CCP110: variants seen among roughly 807,000 people sequenced by gnomAD.
CCP110 encodes the protein centriolar coiled-coil protein 110.
Under a neutral mutation model 105.5 loss-of-function variants are expected in CCP110, and 43 were observed. The observed-to-expected ratio is 0.41, with a 90% CI of 0.32 to 0.53. The LOEUF (loss-of-function observed/expected upper bound fraction) is 0.53. Ranked by LOEUF, CCP110 falls within the 20% of genes least tolerant of loss-of-function variation. The probability of loss-of-function intolerance (pLI) is 0.32; values close to 1 mark genes in which losing one functional copy is unlikely to be tolerated. For synonymous variants in CCP110, 353 were observed against 392.1 expected (o/e 0.90, Z 1.18); for missense variants, 1,016 against 1,189.1 (o/e 0.85, Z 2.14).
intron 2 of CCP110, among the ~76,000 whole-genome samples, chr16:19,528,607 A>G (rs1001090514): frequency 2.0e-5 from 3 of 152,082 alleles, no homozygotes; most frequent in Non-Finnish European, 2.9e-5. Flanking sequence ...AGAGGTCCAG[A>G]CTCTGGGCCA....
intron 3 of CCP110, among the ~76,000 whole-genome samples, chr16:19,532,961 A>T (rs1471583145): frequency 6.6e-6 from 1 of 152,206 alleles, no homozygotes. Context: ...GAAAACTCTT[A>T]GATACACAAA....
exon 8 of CCP110, chr16:19,542,916 A>C (rs1203185584): frequency 6.2e-7 from 1 of 1,613,300 alleles, no homozygotes; most frequent in Non-Finnish European, 8.5e-7. Flanking sequence ...TTAACAAAAT[A>C]ACTGCAGTGG....
chr16:19,551,367 C>A, exon 15 of CCP110: 1 of 841,042 alleles, frequency 1.2e-6, no homozygotes, highest in Non-Finnish European at 2.1e-6. Flanking sequence ...CATCAGAAGG[C>A]TGAGCACTTA....
chr16:19,536,212 T>G, exon 4 of CCP110: 1 of 1,614,096 alleles, frequency 6.2e-7, no homozygotes, highest in Non-Finnish European at 8.5e-7. Flanking sequence ...ATATTAGTCA[T>G]GTAGAAAATG....
intron 8 of CCP110, among the ~76,000 whole-genome samples, chr16:19,543,829 A>G (rs1970370472): frequency 6.6e-6 from 1 of 152,096 alleles, no homozygotes; most frequent in Non-Finnish European, 1.5e-5. Context: ...CACCCTGGTA[A>G]ATTTGTGGTC....
intron 3 of CCP110, among the ~76,000 whole-genome samples, chr16:19,532,827 T>G (rs540580474): frequency 6.6e-6 from 1 of 152,314 alleles, no homozygotes; most frequent in East Asian, 1.9e-4. Context: ...AAACATTGAA[T>G]TCTCAGTGAC....
chr16:19,542,963 A>G, exon 8 of CCP110: 1 of 1,608,234 alleles, frequency 6.2e-7, no homozygotes, highest in Non-Finnish European at 8.5e-7. Flanking sequence ...ATGCAGACAG[A>G]TAAGCTGAAG....
chr16:19,532,063 T>G (rs1482582352), intron 2 of CCP110, among the ~76,000 whole-genome samples: 1 of 152,198 alleles, frequency 6.6e-6, no homozygotes, highest in Non-Finnish European at 1.5e-5. Flanking sequence ...AGGGCCTTAA[T>G]TTTATTTCTG....
chr16:19,524,514 T>C (rs897688352), intron 1 of CCP110, among the ~76,000 whole-genome samples: 7 of 152,198 alleles, frequency 4.6e-5, no homozygotes, highest in African/African-American at 1.7e-4. Flanking sequence ...TGGCCATTTA[T>C]GAGCCCCTGT....
intron 1 of CCP110, chr16:19,527,035 A>G (rs994397157): frequency 1.3e-5 from 2 of 152,220 alleles, no homozygotes; most frequent in African/African-American, 4.8e-5. Flanking sequence ...ATGAATGAAT[A>G]TGATGCCTAA....
rs1970057470 is a variant in CCP110 at position 19,536,374 on chromosome 16, A to G, written c.705A>G (p.Ser235=). 3.7e-6 allele frequency: 6 copies of G among 1,612,650 alleles called. No individual in the cohort carries two copies. The African/African-American group carries it at 5.3e-5, about 14-fold the overall frequency. ...GTCTTCAGAATCTGATGAAAAAGTC[A>G]AAGGAATATATAGAAAGAGAACAAT... is the stretch of plus-strand genomic sequence containing the variant. Residue 235 remains serine (S), a synonymous_variant, in exon 4 of 15, where the codon TCA becomes TCG. Transcript: ENST00000381396.
intron 1 of CCP110, chr16:19,526,817 C>T (rs1345616948): frequency 6.6e-6 from 1 of 152,106 alleles, no homozygotes; most frequent in East Asian, 1.9e-4. Flanking sequence ...TTGAATTTCC[C>T]TGCCCTCTCT....
intron 3 of CCP110, among the ~76,000 whole-genome samples, chr16:19,532,832 A>T (rs1969922148): frequency 6.6e-6 from 1 of 152,224 alleles, no homozygotes; most frequent in African/African-American, 2.4e-5. Flanking sequence ...TTGAATTCTC[A>T]GTGACAAAAT....
At chr16:19,536,714 A>G (rs774559423) in exon 4 of CCP110, 7 of 1,614,160 alleles carry the variant, frequency 4.3e-6, no homozygotes, top group Non-Finnish European at 5.1e-6. Context: ...CACTTTTGTT[A>G]CCGAAAATAA....
At chr16:19,545,876 G>A in exon 11 of CCP110, 2 of 1,599,804 alleles carry the variant, frequency 1.3e-6, no homozygotes, top group South Asian at 1.1e-5. Flanking sequence ...CTCTTGATAG[G>A]AAGAAATACA....
In CCP110 at chr16:19,528,175, T is replaced by C. The variant is rs545422412; in HGVS notation, c.141+153T>C. 2.0e-5 allele frequency: 13 copies of C among 644,826 alleles called. No individual in the cohort carries two copies. The South Asian group carries it at 3.1e-4, about 15-fold the overall frequency. The allele number at this position is 644,826 out of a possible 1,614,324, so 39.9% of individuals were successfully genotyped here. ...TGAATTAGCATTTTTTACTTACTAT[T>C]ATAGATTGGCCAAGACCTAATAGAA... On this transcript the variant is annotated intron_variant, in intron 2 of 14. Transcript: ENST00000381396.
rs146625112 is a variant in CCP110, at chr16:19,547,986, C to T, written c.2872C>T (p.Pro958Ser). ...TCAGCCAAACCAAGGACAGAATGCA[C>T]CTGTTCATAGGCTACTTAGTAGACA... Residue 958 changes from proline (P) to serine (S), a missense_variant, in exon 13 of 15, where the codon CCT (proline) becomes TCT (serine). Coordinates refer to ENST00000381396, the Ensembl canonical transcript of CCP110. The T allele has an allele frequency of 6.2e-7, 1 of 1,612,160 alleles. No individual in the cohort carries two copies. Among genetic ancestry groups the T allele is most frequent in the Non-Finnish European group, 8.5e-7 (1 of 1,178,348 alleles).
chr16:19,552,934 A>G (rs757432834), exon 15 of CCP110: 7 of 152,294 alleles, frequency 4.6e-5, no homozygotes, highest in Admixed American at 3.9e-4. Context: ...CAAGTTACCA[A>G]TTTTTTAAAA....
At chr16:19,528,142 A>C in intron 2 of CCP110, 120 bp downstream of exon 2, 11 of 777,414 alleles carry the variant, frequency 1.4e-5, no homozygotes, top group Non-Finnish European at 2.1e-5. Flanking sequence ...GAATTAGAGA[A>C]ATACAAATGA....
Sources: allele counts gnomAD v4.1 joint callset (sites outside exome capture counted in the v4.1 genomes callset), GRCh38; gene constraint gnomAD v4.1.1; transcripts MANE v1.5; gene names NCBI Gene and HGNC (gene_info 2026-07-23, HGNC 2026-07-21).